RSRC2: variants seen among roughly 807,000 people sequenced by gnomAD.
RSRC2 encodes arginine/serine-rich coiled-coil protein 2.
In RSRC2, 5 loss-of-function variants were observed where a neutral mutation model predicts 61.3. The ratio of observed to expected loss-of-function variants is 0.08; its 90% confidence interval spans 0.04 to 0.17. RSRC2 has a LOEUF of 0.17. Among genes scored for constraint, RSRC2 ranks in the 10% least tolerant of loss-of-function variants. The pLI, the probability that RSRC2 is intolerant of heterozygous loss-of-function variation, is 1.00. For missense variants in RSRC2, 381 were observed against 518.8 expected (o/e 0.73, Z 2.58); for synonymous variants, 202 against 166.5 (o/e 1.21, Z -1.64).
At chr12:122,513,754 G>A (rs1425710542) in intron 6 of RSRC2, 7 of 984,100 alleles carry the variant, frequency 7.1e-6, no homozygotes, top group Non-Finnish European at 8.4e-6. Flanking sequence ...ATGGAAAGAA[G>A]GGGTGAGCTC....
intron 7 of RSRC2, among the ~76,000 whole-genome samples, chr12:122,510,184 T>C (rs575502782): frequency 8.5e-5 from 13 of 152,258 alleles, no homozygotes; most frequent in African/African-American, 3.1e-4. Flanking sequence ...GAAAGAGAAA[T>C]ACATATTTCA....
Position 122,506,915 on chromosome 12 carries a change from G to A in RSRC2, c.1044C>T (p.Ser348=), listed in dbSNP as rs894194956. The A allele has an allele frequency of 6.3e-7, 1 of 1,596,076 alleles. No individual in the cohort carries two copies. The highest frequency in any genetic ancestry group is 1.3e-5 in the African/African-American group (1 of 74,268). ...LWQGKKEGDK[S]QSAEIWEKLN... is the part of the protein sequence containing the mutation. ...ATTTTTCCCATATTTCAGCAGATTG[G>A]GATTTGTCCTGTTAACAAACACTGA... Residue 348 remains serine, a synonymous_variant, in exon 9 of 10, where the codon TCC becomes TCT. Transcript: ENST00000331738.
At chr12:122,507,339 A>T (rs980775503) in intron 8 of RSRC2, 31 of 188,152 alleles carry the variant, frequency 1.6e-4, no homozygotes, top group African/African-American at 6.4e-4. Flanking sequence ...CTGAGATCAC[A>T]CCACTGCATT....
Position 122,505,298 on chromosome 12 carries a change from A to G in RSRC2, c.*229T>C, listed in dbSNP as rs1958048333. 2.6e-6 allele frequency: 1 copy of G among 383,274 alleles called. No homozygotes were observed. The highest frequency in any genetic ancestry group is 2.1e-5 in the African/African-American group (1 of 48,286). The allele number at this position is 383,274 out of a possible 1,614,324, so 23.7% of individuals were successfully genotyped here. ...TTGAAAAGTAGAATTCATGAACTAA[A>G]AAATATTATCCTTCTATAGTCCTGT... is the stretch of plus-strand genomic sequence containing the variant. On this transcript the variant is annotated 3_prime_UTR_variant, in exon 10 of 10. Coordinates refer to ENST00000331738, the MANE Select transcript of RSRC2 (RefSeq NM_023012.6).
chr12:122,524,014 T>A (rs921227628), intron 1 of RSRC2, among the ~76,000 whole-genome samples: 3 of 152,210 alleles, frequency 2.0e-5, no homozygotes, highest in Admixed American at 1.3e-4. Context: ...GCCAGCATAT[T>A]GTATATGTAC....
intron 6 of RSRC2, 134 bp downstream of exon 6, chr12:122,514,971 T>A (rs1005131542): frequency 1.0e-6 from 1 of 988,754 alleles, no homozygotes; most frequent in East Asian, 2.5e-5. Flanking sequence ...TTTACATAGT[T>A]CTAGATCACA....
At chr12:122,526,724 A>C (rs186721207) in intron 1 of RSRC2, 124 bp downstream of exon 1, 272 of 1,125,084 alleles carry the variant, frequency 2.4e-4, no homozygotes, top group Non-Finnish European at 3.5e-4. Flanking sequence ...GCGGGCGCAG[A>C]AGAAGGCCGC....
rs1566317444 is a variant in RSRC2 at position 122,504,632 on chromosome 12, AAAC to A, written c.*892_*894del. ...AACAGAGCAAGATCCTGTCTCAAAA[AAAC>A]AAACAAAAAAAATTTCTAATATTTT... On this transcript the variant is annotated 3_prime_UTR_variant, in exon 10 of 10. Transcript: ENST00000331738. 1.3e-5 allele frequency: 2 copies of A among 152,576 alleles called. No individual in the cohort carries two copies. Among genetic ancestry groups the A allele is most frequent in the South Asian group, 2.1e-4 (1 of 4,834 alleles). The allele number at this position is 152,576 out of a possible 1,614,324, so 9.5% of individuals were successfully genotyped here.
chr12:122,512,550 G>A (rs1958605438), intron 6 of RSRC2, among the ~76,000 whole-genome samples: 1 of 152,014 alleles, frequency 6.6e-6, no homozygotes, highest in Non-Finnish European at 1.5e-5. Flanking sequence ...TATTAACATG[G>A]TGAAATCCCG....
intron 1 of RSRC2, among the ~76,000 whole-genome samples, chr12:122,525,504 G>A (rs1960032942): frequency 6.6e-6 from 1 of 151,860 alleles, no homozygotes. Context: ...CTAAATAATA[G>A]AGGGGTATGG....
chr12:122,524,967 T>C (rs1959851977), intron 1 of RSRC2, among the ~76,000 whole-genome samples: 1 of 152,214 alleles, frequency 6.6e-6, no homozygotes, highest in African/African-American at 2.4e-5. Flanking sequence ...ACAAATCTTT[T>C]TCCACTGCGA....
intron 3 of RSRC2, chr12:122,520,177 T>C: frequency 4.9e-6 from 1 of 205,980 alleles, no homozygotes; most frequent in Middle Eastern, 2.3e-3. Context: ...TGGCCAATCA[T>C]TTTGGAACAT....
chr12:122,517,458 T>C (rs1366343000), intron 4 of RSRC2, 28 bp from the exon 5 acceptor site: 1 of 1,613,528 alleles, frequency 6.2e-7, no homozygotes, highest in South Asian at 1.1e-5. Flanking sequence ...AAATTTGTAA[T>C]TACTTAAAAG....
At position 122,505,409 on chromosome 12, in the gene RSRC2, A is replaced by C. The variant is rs780296834; in HGVS notation, c.*118T>G. ...ATATTTACAAAAATTTGTATTTTTC[A>C]ATAAATTAAAGTCAATGCAACACCC... On this transcript the variant is annotated 3_prime_UTR_variant, in exon 10 of 10. Transcript: ENST00000331738. The C allele has an allele frequency of 3.3e-6, 3 of 915,972 alleles. No individual in the cohort carries two copies. The highest frequency in any genetic ancestry group is 4.9e-6 in the Non-Finnish European group (3 of 613,760). 56.7% of individuals were successfully genotyped at this position (915,972 alleles called of 1,614,324 possible). A position where few individuals can be genotyped will look rare whatever the true frequency, so the allele number is the denominator to read the frequency against.
intron 5 of RSRC2, among the ~76,000 whole-genome samples, chr12:122,516,381 C>T (rs1205189229): frequency 1.1e-4 from 16 of 152,304 alleles, no homozygotes; most frequent in Admixed American, 8.5e-4. Context: ...AAATTGTGTT[C>T]ATTTACAAAC....
Position 122,525,217 on chromosome 12 carries a change from T to C in RSRC2, c.6+1631A>G, listed in dbSNP as rs566535196. Among the ~76,000 whole-genome samples, 34 of 151,810 alleles carry C rather than the reference T, an allele frequency of 2.2e-4. No individual in the cohort carries two copies. The South Asian group carries it at 6.7e-3, about 30-fold the overall frequency. ...GGTGAAACCCCGTCTCTACCAAAAA[T>C]ATAAAAAAATTAGCCGGGTGTGGTG... On this transcript the variant is annotated intron_variant, in intron 1 of 9. Transcript: ENST00000331738.
In RSRC2 at chr12:122,514,899, A is replaced by T; in HGVS notation, c.725+206T>A. On this transcript the variant is annotated intron_variant, in intron 6 of 9. Transcript: ENST00000331738. The stretch of plus-strand genomic sequence containing the variant: ...AATCAGTTAAATCATGAAGGAAAAA[A>T]CAGAAATTGTAGACATCTCAATCTT... 4 of 698,466 alleles carry T rather than the reference A, an allele frequency of 5.7e-6. No homozygotes were observed. In the South Asian group the frequency reaches 9.7e-5, roughly 17 times the overall value. 43.3% of individuals were successfully genotyped at this position (698,466 alleles called of 1,614,324 possible).
At chr12:122,523,816 TCAA>T (rs1471583249) in intron 1 of RSRC2, 2 of 152,182 alleles carry the variant, frequency 1.3e-5, no homozygotes, top group Non-Finnish European at 2.9e-5. Context: ...TCGAGTTACT[TCAA>T]CAAGTATTTA....
chr12:122,507,989 A>C lies in RSRC2; in HGVS notation c.1035+229T>G, dbSNP rs140902832. 7.0e-4 allele frequency: 402 copies of C among 577,090 alleles called. 5 individuals are homozygous for C. In the East Asian group the frequency reaches 0.011, roughly 16 times the overall value. 35.7% of individuals were successfully genotyped at this position (577,090 alleles called of 1,614,324 possible). ...CTGATTTTTATCTTCTTTTCAGTAG[A>C]GACAGGGTTTTGCCATGTTGGCCAG... On this transcript the variant is annotated intron_variant, in intron 8 of 9. Transcript: ENST00000331738.
Sources: allele counts gnomAD v4.1 joint callset (sites outside exome capture counted in the v4.1 genomes callset), GRCh38; gene constraint gnomAD v4.1.1; transcripts MANE v1.5; gene names NCBI Gene and HGNC (gene_info 2026-07-23, HGNC 2026-07-21).